KIFC3: variants seen among roughly 807,000 people sequenced by gnomAD.
The protein encoded by KIFC3 is kinesin-like protein KIFC3.
KIFC3 carries 60 observed loss-of-function variants against 101.8 expected under a neutral mutation model. The ratio of observed to expected loss-of-function variants is 0.59; its 90% CI spans 0.48 to 0.73. The LOEUF is 0.73. Among genes scored for constraint, KIFC3 ranks in the 30% least tolerant of loss-of-function variants. The pLI, the probability that KIFC3 is intolerant of heterozygous loss-of-function variation, is 0.00. For synonymous variants in KIFC3, 476 were observed against 482.7 expected (o/e 0.99, Z 0.18); for missense variants, 966 against 1,137.1 (o/e 0.85, Z 2.16).
Position 57,763,429 on chromosome 16 carries a change from C to T in KIFC3, c.1617+714G>A, listed in dbSNP as rs151100653. On this transcript the variant is annotated intron_variant, in intron 12 of 19. Coordinates refer to ENST00000445690, the MANE Select transcript of KIFC3 (RefSeq NM_001130100.2). ...GAGTCCAGATGGGAAATAAGAGGGC[C>T]GCCCAGCAGGCCTGGCTAGCCCCTT... Among the ~76,000 whole-genome samples the T allele has an allele frequency of 7.6e-3, 1,161 of 152,206 alleles. 1 individual carries two copies. The highest frequency in any genetic ancestry group is 0.024 in the Middle Eastern group (7 of 294).
intron 1 of KIFC3, among the ~76,000 whole-genome samples, chr16:57,860,641 T>C (rs532057516): frequency 6.6e-6 from 1 of 152,126 alleles, no homozygotes; most frequent in Non-Finnish European, 1.5e-5. Flanking sequence ...GTTAAGATAG[T>C]TTGTTAGAGA....
chr16:57,827,732 C>T (rs1222922343), intron 1 of KIFC3, among the ~76,000 whole-genome samples: 15 of 152,172 alleles, frequency 9.9e-5, no homozygotes, highest in African/African-American at 1.9e-4. Context: ...GGGCACAGCA[C>T]GTGTCTCTCA....
At chr16:57,847,802 G>T (rs1735341301) in intron 1 of KIFC3, among the ~76,000 whole-genome samples, 1 of 151,050 alleles carries the variant, frequency 6.6e-6, no homozygotes, top group Admixed American at 6.6e-5. Context: ...GTGTGTGTGT[G>T]TGAGACCGAG....
chr16:57,768,895 G>T lies in KIFC3; in HGVS notation c.1218+700C>A, dbSNP rs573093534. Among the ~76,000 whole-genome samples the T allele has an allele frequency of 4.6e-5, 7 of 152,272 alleles. No homozygotes were observed. The South Asian group carries it at 1.2e-3, about 27-fold the overall frequency. ...AGGTAAGACTGTATCGGCCAGTCATGGTGGCTCACACCAATAATCTCAGCA... is the reference window on the plus strand; with the variant it reads ...AGGTAAGACTGTATCGGCCAGTCATTGTGGCTCACACCAATAATCTCAGCA... On this transcript the variant is annotated intron_variant, in intron 9 of 19. Coordinates refer to ENST00000445690, the MANE Select transcript of KIFC3 (RefSeq NM_001130100.2).
intron 1 of KIFC3, among the ~76,000 whole-genome samples, chr16:57,856,703 G>A (rs1280738106): frequency 2.0e-5 from 3 of 152,042 alleles, no homozygotes; most frequent in Non-Finnish European, 4.4e-5. Flanking sequence ...GAAGGAAAGT[G>A]TGTATATAAT....
chr16:57,822,735 A>T (rs531812467), intron 1 of KIFC3, among the ~76,000 whole-genome samples: 64 of 152,234 alleles, frequency 4.2e-4, no homozygotes, highest in Middle Eastern at 3.4e-3. Flanking sequence ...TAAAATAAAT[A>T]AAATGCCAGT....
At chr16:57,821,776 T>G (rs1541703) in intron 1 of KIFC3, among the ~76,000 whole-genome samples, 75,789 of 151,984 alleles carry the variant, frequency 0.5, 20,210 homozygotes, top group African/African-American at 0.68. Context: ...GTGTGGGCAT[T>G]GTGGCTCATG....
At chr16:57,836,046 C>T (rs990242761) in intron 1 of KIFC3, among the ~76,000 whole-genome samples, 1 of 152,174 alleles carries the variant, frequency 6.6e-6, no homozygotes, top group Non-Finnish European at 1.5e-5. Context: ...AGAGGGAAAC[C>T]CAGTCGCCAG....
chr16:57,765,664 A>G, intron 10 of KIFC3, 24 bp from the exon 11 acceptor site: 2 of 1,595,964 alleles, frequency 1.3e-6, no homozygotes, highest in African/African-American at 1.3e-5. Flanking sequence ...GGATGGGGAA[A>G]TGGGTCCAGG....
chr16:57,792,655 G>A (rs946153914), intron 3 of KIFC3, among the ~76,000 whole-genome samples: 9 of 152,118 alleles, frequency 5.9e-5, no homozygotes, highest in Middle Eastern at 3.2e-3. Context: ...AGCACTTTGG[G>A]AAGCCAAGGC....
At chr16:57,821,032 T>G (rs1424599066) in intron 1 of KIFC3, among the ~76,000 whole-genome samples, 3 of 151,670 alleles carry the variant, frequency 2.0e-5, no homozygotes, top group African/African-American at 7.3e-5. Context: ...CTCAGGAGAC[T>G]GAGGCAGGAG....
chr16:57,812,011 A>C (rs2055092268), intron 1 of KIFC3, among the ~76,000 whole-genome samples: 2 of 149,660 alleles, frequency 1.3e-5, no homozygotes, highest in Admixed American at 1.3e-4. Flanking sequence ...CCACTGCACT[A>C]CAGCCTAGGT....
At chr16:57,776,531 T>C (rs782215943) in intron 3 of KIFC3, 7 of 432,322 alleles carry the variant, frequency 1.6e-5, no homozygotes, top group Non-Finnish European at 2.2e-5. Context: ...CTATGTCTCT[T>C]AGTTTCCTTA....
Position 57,800,095 on chromosome 16 carries a change from A to T in KIFC3, c.-39-1813T>A, listed in dbSNP as rs190612509. 1.5e-3 allele frequency among the ~76,000 whole-genome samples: 227 copies of T among 151,824 alleles called. 1 individual carries two copies. The highest frequency in any genetic ancestry group is 5.5e-3 in the African/African-American group (225 of 41,212). On this transcript the variant is annotated intron_variant, in intron 1 of 19. Coordinates refer to ENST00000445690, the MANE Select transcript of KIFC3 (RefSeq NM_001130100.2). The stretch of plus-strand genomic sequence containing the variant: ...GGAGACAGAGAGACAGGAGTGACTA[A>T]AGCATTGAGAGGCAAAAATAAATAA...
At chr16:57,763,582 C>T (rs1555599889) in intron 12 of KIFC3, among the ~76,000 whole-genome samples, 1 of 152,068 alleles carries the variant, frequency 6.6e-6, no homozygotes, top group Non-Finnish European at 1.5e-5. Context: ...CTAGTCTCAA[C>T]GCCCCTCTCC....
chr16:57,775,585 G>GC (rs1447004928), intron 3 of KIFC3: 1 of 985,906 alleles, frequency 1.0e-6, no homozygotes, highest in Non-Finnish European at 1.2e-6. Flanking sequence ...CCAAGAGCAG[G>GC]CAGGGCCTTC....
chr16:57,830,134 C>T (rs1446083788), intron 1 of KIFC3, among the ~76,000 whole-genome samples: 2 of 152,060 alleles, frequency 1.3e-5, no homozygotes, highest in African/African-American at 4.8e-5. Flanking sequence ...GCTTTGGTGA[C>T]AGGCAGATCT....
intron 1 of KIFC3, among the ~76,000 whole-genome samples, chr16:57,855,619 A>G (rs1465652142): frequency 6.6e-6 from 1 of 151,928 alleles, no homozygotes; most frequent in African/African-American, 2.4e-5. Context: ...AAATAAATTC[A>G]AAGCAAGCAG....
chr16:57,862,591 G>T (rs1451453279), intron 1 of KIFC3: 3 of 279,658 alleles, frequency 1.1e-5, no homozygotes, highest in South Asian at 3.3e-5. Context: ...TACCAGAGTG[G>T]TAACCATCTT....
Sources: gnomAD v4.1 joint callset for allele counts (sites outside exome capture counted in the v4.1 genomes callset) on GRCh38, gnomAD v4.1.1 for gene constraint, MANE v1.5 for transcripts, NCBI Gene and HGNC (gene_info 2026-07-23, HGNC 2026-07-21) for gene names.